Variants in ALG6 observed in about 807,000 individuals in gnomAD.
ALG6 encodes the protein dolichyl pyrophosphate Man9GlcNAc2 alpha-1,3-glucosyltransferase.
Under a neutral mutation model 66.6 loss-of-function variants are expected in ALG6, and 46 were observed. The ratio of observed to expected loss-of-function variants is 0.69; its 90% CI spans 0.55 to 0.88. The LOEUF (loss-of-function observed/expected upper bound fraction) is 0.88, where lower values mean the gene tolerates loss of function less well. Ranked by LOEUF, ALG6 falls within the 40% of genes least tolerant of loss-of-function variation. The pLI is 0.00. For missense variants in ALG6, 505 were observed against 586.8 expected, an observed-to-expected ratio of 0.86 and a Z score of 1.44; for synonymous variants, 185 against 203.7, an observed-to-expected ratio of 0.91 and a Z score of 0.78.
Position 63,438,290 on chromosome 1 carries a change from C to T in ALG6, c.*1270C>T, listed in dbSNP as rs1242639663. On this transcript the variant is annotated 3_prime_UTR_variant, in exon 15 of 15. Coordinates refer to ENST00000263440, the MANE Select transcript of ALG6 (RefSeq NM_013339.4). ...CATAAAGACTCAAAGGGCAGGTCAA[C>T]GCAGAATAGCAGCCTTGAATCACTG... 1 of 152,170 alleles carries T rather than the reference C, an allele frequency of 6.6e-6. No individual in the cohort carries two copies. The highest frequency in any genetic ancestry group is 1.5e-5 in the Non-Finnish European group (1 of 68,024). 9.4% of individuals were successfully genotyped at this position (152,170 alleles called of 1,614,324 possible).
intron 1 of ALG6, 61 bp from the exon 2 acceptor site, chr1:63,370,710 G>T: frequency 2.4e-6 from 1 of 424,598 alleles, no homozygotes; most frequent in Admixed American, 3.9e-5. Flanking sequence ...TTGGTTTACT[G>T]GGTTCATTGT....
In ALG6 at chr1:63,385,124, A is replaced by AT. The variant is rs552597828; in HGVS notation, c.83-11382dup. Among the ~76,000 whole-genome samples, 169 of 136,630 alleles carry AT rather than the reference A, an allele frequency of 1.2e-3. No individual in the cohort carries two copies. In the Middle Eastern group the frequency reaches 0.016, roughly 13 times the overall value. 89.6% of individuals were successfully genotyped at this position (136,630 alleles called of 152,430 possible). A position where few individuals can be genotyped will look rare whatever the true frequency, so the allele number is the denominator to read the frequency against. Reference sequence around the variant, plus strand: ...ATCCATGAACATGGAATATTTTCCCATTTTTTTGAATTTCTTTCATCAGTG... The same window carrying AT: ...ATCCATGAACATGGAATATTTTCCCATTTTTTTTGAATTTCTTTCATCAGTG... On this transcript the variant is annotated intron_variant, in intron 2 of 14. Transcript: ENST00000263440.
chr1:63,387,909 C>T (rs1648554094), intron 2 of ALG6, among the ~76,000 whole-genome samples: 1 of 151,934 alleles, frequency 6.6e-6, no homozygotes, highest in Non-Finnish European at 1.5e-5. Context: ...GCTACTCCTG[C>T]TCTTTTTGGT....
intron 2 of ALG6, among the ~76,000 whole-genome samples, chr1:63,373,657 C>CTTTTTTTTTTTTTTTTT (rs1557578257): frequency 8.7e-6 from 1 of 114,760 alleles, no homozygotes; most frequent in East Asian, 2.8e-4. Context: ...ATTTAATTTA[C>CTTTTTTTTTTTTTTTTT]ATTTTTTTTT....
At chr1:63,409,007 T>C (rs1644503619) in intron 7 of ALG6, among the ~76,000 whole-genome samples, 1 of 152,204 alleles carries the variant, frequency 6.6e-6, no homozygotes. Flanking sequence ...CTCAAACTCC[T>C]GACCTCAAGT....
chr1:63,427,693 C>T (rs2100439201), intron 12 of ALG6, among the ~76,000 whole-genome samples: 1 of 151,970 alleles, frequency 6.6e-6, no homozygotes, highest in South Asian at 2.1e-4. Flanking sequence ...AGCAATGCTC[C>T]TTCTTTGAGC....
chr1:63,424,876 T>TC (rs1414981642), intron 12 of ALG6, among the ~76,000 whole-genome samples: 1 of 150,978 alleles, frequency 6.6e-6, no homozygotes, highest in East Asian at 2.0e-4. Context: ...CCTACTAGGT[T>TC]CAAGAGATTC....
chr1:63,395,371 C>A (rs1004478236), intron 2 of ALG6, among the ~76,000 whole-genome samples: 1 of 152,122 alleles, frequency 6.6e-6, no homozygotes, highest in African/African-American at 2.4e-5. Flanking sequence ...TGACCCTATA[C>A]TTGACCTTAA....
chr1:63,404,515 C>G lies in ALG6; in HGVS notation c.320C>G (p.Ala107Gly), dbSNP rs1305227185. The change falls in exon 5 of 15, where the codon GCA becomes GGA. Residue 107 changes from alanine to glycine, a missense_variant. Ala to Gly is a moderately conservative substitution (Grantham distance 60). Coordinates refer to ENST00000263440, the MANE Select transcript of ALG6 (RefSeq NM_013339.4). ...ACATCACGTGGATATGAGAGTCAGG[C>G]ACATAAGCTCTTCATGCGTACAACA... The part of the protein sequence containing the change: ...LHTSRGYESQ[A>G]HKLFMRTTVL... 1.2e-6 allele frequency: 2 copies of G among 1,613,532 alleles called. No homozygotes were observed. The highest frequency in any genetic ancestry group is 8.5e-7 in the Non-Finnish European group (1 of 1,179,704).
chr1:63,416,677 C>T (rs1413094145), intron 11 of ALG6, among the ~76,000 whole-genome samples: 4 of 152,096 alleles, frequency 2.6e-5, no homozygotes, highest in Non-Finnish European at 5.9e-5. Context: ...GGGCAGATCT[C>T]TGTTTTAGGA....
chr1:63,413,831 G>C, intron 9 of ALG6: 1 of 447,716 alleles, frequency 2.2e-6, no homozygotes, highest in Non-Finnish European at 4.1e-6. Flanking sequence ...GGAATGTCTG[G>C]ATTATGGTGG....
intron 5 of ALG6, among the ~76,000 whole-genome samples, chr1:63,405,499 C>T (rs1644485689): frequency 2.0e-5 from 3 of 152,116 alleles, no homozygotes; most frequent in African/African-American, 7.2e-5. Flanking sequence ...TTGAAGTCAC[C>T]TCTTCTCTAA....
chr1:63,430,407 T>C (rs1471352857), intron 14 of ALG6, among the ~76,000 whole-genome samples: 2 of 152,218 alleles, frequency 1.3e-5, no homozygotes, highest in Non-Finnish European at 2.9e-5. Context: ...ATTTCCCTTA[T>C]GTGTATACCT....
Position 63,433,644 on chromosome 1 carries a change from G to C in ALG6, c.1327-3179G>C, listed in dbSNP as rs188037557. On this transcript the variant is annotated intron_variant, in intron 14 of 14. Transcript: ENST00000263440. This position sits in a 1 kb window ranked among gnomAD's most constrained non-coding sequence, Gnocchi z 4.2. ...ATTGTGATATTCACAATCTGGTCCA[G>C]TAATCTTAAGGTGAGGACCGCTATG... Among the ~76,000 whole-genome samples the C allele has an allele frequency of 6.6e-6, 1 of 152,218 alleles. No homozygotes were observed. The highest frequency in any genetic ancestry group is 1.5e-5 in the Non-Finnish European group (1 of 68,044).
In ALG6 at chr1:63,429,144, G is replaced by A; in HGVS notation, c.1326+18G>A. 6.5e-7 allele frequency: 1 copy of A among 1,538,324 alleles called. No homozygotes were observed. The highest frequency in any genetic ancestry group is 8.9e-7 in the Non-Finnish European group (1 of 1,122,202). On this transcript the variant is annotated intron_variant, in intron 14 of 14. Coordinates refer to ENST00000263440, the MANE Select transcript of ALG6 (RefSeq NM_013339.4). ...AATATTTGGTAAGTTCAATTTTTAA[G>A]AAATGACACATTTTTCAGCATGTCA...
At chr1:63,432,936 T>G (rs1477880961) in intron 14 of ALG6, among the ~76,000 whole-genome samples, 1 of 152,120 alleles carries the variant, frequency 6.6e-6, no homozygotes, top group Non-Finnish European at 1.5e-5. Context: ...TTGCCTAATT[T>G]TTATTTTTTA....
chr1:63,427,900 G>A (rs534823333), intron 12 of ALG6, among the ~76,000 whole-genome samples: 3 of 148,922 alleles, frequency 2.0e-5, no homozygotes, highest in South Asian at 2.2e-4. Context: ...TCCTCCTCCC[G>A]GGTTCAAGCA....
chr1:63,397,985 A>T lies in ALG6; in HGVS notation c.167+1388A>T, dbSNP rs1046166591. Among the ~76,000 whole-genome samples, 4 of 152,358 alleles carry T rather than the reference A, an allele frequency of 2.6e-5. No individual in the cohort carries two copies. The East Asian group carries it at 7.7e-4, about 29-fold the overall frequency. ...ATGTTAGCTCTGGTTATAGCATCATAGAAATTCATGCCTGTGTCATTTTTA... is the reference window on the plus strand; with the variant it reads ...ATGTTAGCTCTGGTTATAGCATCATTGAAATTCATGCCTGTGTCATTTTTA... On this transcript the variant is annotated intron_variant, in intron 3 of 14. Coordinates refer to ENST00000263440, the MANE Select transcript of ALG6 (RefSeq NM_013339.4).
intron 12 of ALG6, among the ~76,000 whole-genome samples, chr1:63,425,264 T>A (rs891127473): frequency 2.0e-5 from 3 of 152,090 alleles, no homozygotes; most frequent in African/African-American, 7.2e-5. Flanking sequence ...TGGTACAGGA[T>A]CTCAAGAGGA....
Sources: allele counts gnomAD v4.1 joint callset (sites outside exome capture counted in the v4.1 genomes callset), GRCh38; gene constraint gnomAD v4.1.1; non-coding constraint Gnocchi (gnomAD v3.1); transcripts MANE v1.5; gene names NCBI Gene and HGNC (gene_info 2026-07-23, HGNC 2026-07-21).